Variants in OTOGL observed in about 807,000 individuals in gnomAD.
OTOGL encodes otogelin-like protein.
OTOGL carries 285 observed loss-of-function variants against 318.5 expected under a neutral mutation model. The observed-to-expected ratio is 0.89, with a 90% confidence interval of 0.81 to 0.99. The LOEUF (loss-of-function observed/expected upper bound fraction) is 0.99, where lower values mean the gene tolerates loss of function less well. Ranked by LOEUF, OTOGL falls within the 50% of genes least tolerant of loss-of-function variation. The pLI, the probability that OTOGL is intolerant of heterozygous loss-of-function variation, is 0.00. For synonymous variants in OTOGL, 987 were observed against 936.5 expected, an observed-to-expected ratio of 1.05 and a Z score of -0.99; for missense variants, 2,899 against 2,845.6, an observed-to-expected ratio of 1.02 and a Z score of -0.43.
At chr12:80,197,378 C>T (rs1876150840) in intron 1 of OTOGL, among the ~76,000 whole-genome samples, 1 of 152,086 alleles carries the variant, frequency 6.6e-6, no homozygotes, top group Admixed American at 6.6e-5. Flanking sequence ...AGGCACCTGC[C>T]ACCATGCCCG....
rs1362045682 is a variant in OTOGL at position 80,370,620 on chromosome 12, TG to T, written c.6667del (p.Asp2223MetfsTer5). 6.9e-6 allele frequency: 11 copies of T among 1,589,818 alleles called. No homozygotes were observed. Among genetic ancestry groups the T allele is most frequent in the Non-Finnish European group, 9.4e-6 (11 of 1,165,600 alleles). ...NCTTYECVKTDEGAIILNYTM... is the reference protein window; with the variant it reads ...NCTTYECVKTXEGAIILNYTM... ...GCACCACATATGAATGTGTTAAAACTGATGAAGGAGCAATAATTCTGAACTA... is the reference window on the plus strand; with the variant it reads ...GCACCACATATGAATGTGTTAAAACTATGAAGGAGCAATAATTCTGAACTA... On this transcript the variant is annotated frameshift_variant, in exon 56 of 59. Transcript: ENST00000547103. LOFTEE classifies it high-confidence loss of function.
intron 1 of OTOGL, among the ~76,000 whole-genome samples, chr12:80,177,865 G>A (rs770201962): frequency 1.3e-5 from 2 of 151,872 alleles, no homozygotes; most frequent in African/African-American, 2.4e-5. Flanking sequence ...TTAGTCTAGG[G>A]CTAATTTTCT....
At chr12:80,343,485 A>ACATTTTT (rs1565999636) in intron 44 of OTOGL, 1 of 62,248 alleles carries the variant, frequency 1.6e-5, no homozygotes, top group East Asian at 4.6e-4. Flanking sequence ...ATTATTTTTT[A>ACATTTTT]CATTTTTATT....
intron 35 of OTOGL, among the ~76,000 whole-genome samples, chr12:80,325,356 A>C (rs1400713603): frequency 6.6e-6 from 1 of 152,252 alleles, no homozygotes; most frequent in Admixed American, 6.5e-5. Context: ...TGGCCTAGGG[A>C]GGCCTTGAGG....
At chr12:80,222,523 G>A (rs1878448681) in intron 7 of OTOGL, among the ~76,000 whole-genome samples, 1 of 152,108 alleles carries the variant, frequency 6.6e-6, no homozygotes, top group Admixed American at 6.6e-5. Flanking sequence ...AGTTACATAA[G>A]CACAGGCTAT....
At chr12:80,111,369 T>G (rs1317686915) in intron 1 of OTOGL, among the ~76,000 whole-genome samples, 2 of 152,254 alleles carry the variant, frequency 1.3e-5, no homozygotes, top group Non-Finnish European at 2.9e-5. Flanking sequence ...TCTAAAGTTT[T>G]TATGGTTTTA....
At chr12:80,267,111 T>C (rs1406452314) in intron 21 of OTOGL, 142 bp from the exon 22 acceptor site, 1 of 392,720 alleles carries the variant, frequency 2.5e-6, no homozygotes, top group South Asian at 7.7e-5. Context: ...ATTTGTGTAA[T>C]AGGATTGCAT....
chr12:80,135,785 T>G (rs1871529836), intron 1 of OTOGL, among the ~76,000 whole-genome samples: 1 of 152,190 alleles, frequency 6.6e-6, no homozygotes, highest in Admixed American at 6.5e-5. Flanking sequence ...CTGGTAAACT[T>G]AAGTAAAGCA....
At chr12:80,130,839 C>A (rs1213289910) in intron 1 of OTOGL, among the ~76,000 whole-genome samples, 1 of 152,210 alleles carries the variant, frequency 6.6e-6, no homozygotes, top group African/African-American at 2.4e-5. Context: ...TATTTCCTAT[C>A]ATGCTATGAT....
chr12:80,152,404 T>G (rs1872841529), intron 1 of OTOGL, among the ~76,000 whole-genome samples: 1 of 152,160 alleles, frequency 6.6e-6, no homozygotes, highest in Admixed American at 6.5e-5. Flanking sequence ...TGCTGAGATC[T>G]TCCCTCCCAA....
chr12:80,123,253 A>C (rs1480683568), intron 1 of OTOGL, among the ~76,000 whole-genome samples: 9 of 151,746 alleles, frequency 5.9e-5, no homozygotes, highest in Non-Finnish European at 4.4e-5. Context: ...CTCCTTGTTC[A>C]ATTCCCACCT....
At chr12:80,203,600 G>A (rs556015147) in intron 1 of OTOGL, among the ~76,000 whole-genome samples, 2 of 152,260 alleles carry the variant, frequency 1.3e-5, no homozygotes, top group East Asian at 1.9e-4. Flanking sequence ...CATAAAGAGC[G>A]AGGTAAGAGT....
At chr12:80,330,712 G>A (rs1888013612) in intron 37 of OTOGL, among the ~76,000 whole-genome samples, 1 of 152,148 alleles carries the variant, frequency 6.6e-6, no homozygotes, top group South Asian at 2.1e-4. Context: ...ATTTGCAGAT[G>A]TCATGATCTT....
Position 80,336,557 on chromosome 12 carries a change from T to G in OTOGL, c.4743+2T>G. ...ATCGAAAAATGTTCCATGAATCAGGTGGGTCATAATTTATTTTTGCAGTCA... is the reference window on the plus strand; with the variant it reads ...ATCGAAAAATGTTCCATGAATCAGGGGGGTCATAATTTATTTTTGCAGTCA... On this transcript the variant is annotated splice_donor_variant, in intron 40 of 58. Transcript: ENST00000547103. LOFTEE classifies it high-confidence loss of function. 7.5e-6 allele frequency: 12 copies of G among 1,603,344 alleles called. No homozygotes were observed. Among genetic ancestry groups the G allele is most frequent in the Non-Finnish European group, 1.0e-5 (12 of 1,174,006 alleles).
At chr12:80,131,120 C>CCAGA (rs1565871654) in intron 1 of OTOGL, 1 of 152,164 alleles carries the variant, frequency 6.6e-6, no homozygotes, top group Non-Finnish European at 1.5e-5. Flanking sequence ...GCAAGTCTCA[C>CCAGA]GGCAAGAAGA....
At chr12:80,264,428 TTA>T (rs149927677) in intron 19 of OTOGL, among the ~76,000 whole-genome samples, 84 of 152,300 alleles carry the variant, frequency 5.5e-4, no homozygotes, top group African/African-American at 1.9e-3. Context: ...ATTCATGCAT[TTA>T]TAGATTTATT....
At chr12:80,227,650 A>G (rs1878984202) in intron 7 of OTOGL, among the ~76,000 whole-genome samples, 1 of 152,188 alleles carries the variant, frequency 6.6e-6, no homozygotes, top group South Asian at 2.1e-4. Context: ...TTCCCGAAAG[A>G]AGAATCCTCC....
intron 1 of OTOGL, among the ~76,000 whole-genome samples, chr12:80,181,945 C>G (rs1347922091): frequency 6.6e-6 from 1 of 152,026 alleles, no homozygotes; most frequent in Non-Finnish European, 1.5e-5. Flanking sequence ...AGGAGCATTG[C>G]TTGAGTCCGG....
chr12:80,173,420 A>G lies in OTOGL; in HGVS notation c.-19-35993A>G, dbSNP rs530743232. ...GGTAACTTCCTGATGTTGCCATGGC[A>G]TTTGTAAACTGCCGTGGTGGTGGTG... On this transcript the variant is annotated intron_variant, in intron 1 of 58. Transcript: ENST00000547103. Among the ~76,000 whole-genome samples, 3 of 152,216 alleles carry G rather than the reference A, an allele frequency of 2.0e-5. No individual in the cohort carries two copies. In the South Asian group the frequency reaches 6.2e-4, roughly 32 times the overall value.
Sources: allele counts gnomAD v4.1 joint callset (sites outside exome capture counted in the v4.1 genomes callset), GRCh38; gene constraint gnomAD v4.1.1; transcripts MANE v1.5; gene names NCBI Gene and HGNC (gene_info 2026-07-23, HGNC 2026-07-21).